The following TTK variants were observed in gnomAD, a reference collection of about 807,000 sequenced individuals.
TTK encodes TTK protein kinase, also known as dual specificity protein kinase TTK.
TTK carries 59 observed loss-of-function variants against 117.3 expected under a neutral mutation model. The ratio of observed to expected loss-of-function variants is 0.50; its 90% CI spans 0.41 to 0.62. The LOEUF (loss-of-function observed/expected upper bound fraction) is 0.62, where lower values mean the gene tolerates loss of function less well. TTK is among the 20% of genes least tolerant of loss of function. The pLI is 0.00. For missense variants in TTK, 921 were observed against 989.4 expected (o/e 0.93, Z 0.93); for synonymous variants, 302 against 325.0 (o/e 0.93, Z 0.76).
chr6:80,042,295 C>A lies in TTK; in HGVS notation c.*93C>A. On this transcript the variant is annotated 3_prime_UTR_variant, in exon 22 of 22. Coordinates refer to ENST00000369798, the MANE Select transcript of TTK (RefSeq NM_003318.5). ...TGTGGAAATCTACATTTGAAGACAA[C>A]ATCACTCTGAAGTGTTATCAGCAAA... 1 of 1,033,758 alleles carries A rather than the reference C, an allele frequency of 9.7e-7. No homozygotes were observed. The highest frequency in any genetic ancestry group is 1.4e-6 in the Non-Finnish European group (1 of 724,854). 64.0% of individuals were successfully genotyped at this position (1,033,758 alleles called of 1,614,324 possible).
At chr6:80,038,486 C>T (rs1289803871) in intron 18 of TTK, among the ~76,000 whole-genome samples, 2 of 152,104 alleles carry the variant, frequency 1.3e-5, no homozygotes, top group Non-Finnish European at 2.9e-5. Flanking sequence ...AGATCTGCCT[C>T]TTCATTAACA....
intron 2 of TTK, 108 bp downstream of exon 2, chr6:80,006,090 T>C (rs1766987319): frequency 2.1e-6 from 3 of 1,423,886 alleles, no homozygotes; most frequent in East Asian, 2.3e-5. Flanking sequence ...GTTTATTGTC[T>C]TTCTCCTCCA....
At position 80,008,181 on chromosome 6, in the gene TTK, T is replaced by A; in HGVS notation, c.362+150T>A. 3 of 1,070,822 alleles carry A rather than the reference T, an allele frequency of 2.8e-6. No homozygotes were observed. The South Asian group carries it at 5.2e-5, about 19-fold the overall frequency. The allele number at this position is 1,070,822 out of a possible 1,614,324, so 66.3% of individuals were successfully genotyped here. ...GCTTATAGTTAACAAGAGACTAATGTAAACTCTTTTCTATGCACGTTTCCA... is the reference window on the plus strand; with the variant it reads ...GCTTATAGTTAACAAGAGACTAATGAAAACTCTTTTCTATGCACGTTTCCA... On this transcript the variant is annotated intron_variant, in intron 3 of 21. Transcript: ENST00000369798.
intron 16 of TTK, 81 bp from the exon 17 acceptor site, chr6:80,036,394 G>A: frequency 4.7e-6 from 7 of 1,477,326 alleles, no homozygotes; most frequent in Non-Finnish European, 6.3e-6. Flanking sequence ...AATAAATACA[G>A]CTTGACCTGT....
Position 80,026,385 on chromosome 6 carries a change from A to T in TTK, c.1265A>T (p.His422Leu). Residue 422 changes from histidine (H) to leucine (L), a missense_variant, in exon 12 of 22, where the codon CAT (histidine) becomes CTT (leucine). By Grantham distance (99) the His-to-Leu change is moderately conservative. Transcript: ENST00000369798. ...LARKVNTEQKHTTFEQPVFSV... is the reference protein window; with the variant it reads ...LARKVNTEQKLTTFEQPVFSV... The stretch of plus-strand genomic sequence containing the variant: ...TTCTTTATTTTGTTTTAGCAGAAAC[A>T]TACCACTTTTGAGCAACCTGTCTTT... The T allele has an allele frequency of 6.2e-7, 1 of 1,612,804 alleles. No individual in the cohort carries two copies. The highest frequency in any genetic ancestry group is 1.7e-4 in the Middle Eastern group (1 of 6,030).
At chr6:80,034,301 C>T (rs1319942477) in intron 14 of TTK, among the ~76,000 whole-genome samples, 1 of 152,080 alleles carries the variant, frequency 6.6e-6, no homozygotes, top group Non-Finnish European at 1.5e-5. Flanking sequence ...ACTAACAAAT[C>T]ACAACTCTGA....
chr6:80,008,109 C>CTACACTGCAAAGAGAGAAA, intron 3 of TTK, 78 bp downstream of exon 3: 1 of 1,458,396 alleles, frequency 6.9e-7, no homozygotes, highest in Non-Finnish European at 9.2e-7. Context: ...AAATAAAAAA[C>CTACACTGCAAAGAGAGAAA]ATGGCAGTAT....
intron 9 of TTK, 92 bp from the exon 10 acceptor site, chr6:80,014,371 A>C: frequency 8.5e-7 from 1 of 1,180,666 alleles, no homozygotes; most frequent in East Asian, 2.7e-5. Context: ...TGAGCAATCC[A>C]TGTATAGATA....
chr6:80,015,181 G>T (rs1320356030), intron 10 of TTK, among the ~76,000 whole-genome samples: 1 of 92,614 alleles, frequency 1.1e-5, no homozygotes, highest in East Asian at 3.9e-4. Context: ...AACAAATTAG[G>T]ATTTAAATGG....
intron 11 of TTK, among the ~76,000 whole-genome samples, chr6:80,025,062 T>A (rs1214483055): frequency 6.6e-6 from 1 of 152,214 alleles, no homozygotes; most frequent in Non-Finnish European, 1.5e-5. Context: ...GGCCTTCATT[T>A]TTCTAACTTC....
rs749132511 is a variant in TTK at position 80,039,867 on chromosome 6, T to C, written c.2302T>C (p.Leu768=). The change falls in exon 19 of 22, where the codon TTA becomes CTA. Residue 768 remains leucine (L), a synonymous_variant. Transcript: ENST00000369798. ...DIPEKDLQDV[L]KCCLKRDPKQ... is the part of the protein sequence containing the mutation. ...TCCAGAGAAAGATCTTCAAGATGTG[T>C]TAAAGGTAATATTAATTTCATGTAA... 2 of 1,552,346 alleles carry C rather than the reference T, an allele frequency of 1.3e-6. No homozygotes were observed. The highest frequency in any genetic ancestry group is 4.7e-5 in the East Asian group (2 of 42,968).
intron 10 of TTK, among the ~76,000 whole-genome samples, chr6:80,020,994 G>T (rs185960851): frequency 3.3e-5 from 5 of 152,332 alleles, no homozygotes; most frequent in African/African-American, 1.2e-4. Flanking sequence ...AGAGTGACCT[G>T]CATTGGGTCC....
At chr6:80,038,701 GT>G (rs1275606838) in intron 18 of TTK, among the ~76,000 whole-genome samples, 64 of 152,092 alleles carry the variant, frequency 4.2e-4, no homozygotes, top group African/African-American at 1.4e-3. Context: ...TGGCTTGTAA[GT>G]GTTTTTCAAA....
chr6:80,019,944 C>T (rs1460971167), intron 10 of TTK, among the ~76,000 whole-genome samples: 3 of 152,058 alleles, frequency 2.0e-5, no homozygotes, highest in African/African-American at 7.2e-5. Context: ...CTTTTATTTA[C>T]CAAAGATTCA....
At chr6:80,022,166 A>G (rs1767477793) in intron 10 of TTK, among the ~76,000 whole-genome samples, 158 bp from the exon 11 acceptor site, 1 of 152,240 alleles carries the variant, frequency 6.6e-6, no homozygotes, top group Non-Finnish European at 1.5e-5. Context: ...CTAAAAGCAA[A>G]TTGTTAAGCA....
At chr6:80,018,398 C>T (rs918403621) in intron 10 of TTK, among the ~76,000 whole-genome samples, 2 of 151,526 alleles carry the variant, frequency 1.3e-5, no homozygotes, top group African/African-American at 4.8e-5. Context: ...GGCAGATTGC[C>T]TGAGGTCAGG....
In TTK at chr6:80,042,417, C is replaced by T. The variant is rs112068592; in HGVS notation, c.*215C>T. ...AGACTTGTTTTCTCTGTTTTATGCT[C>T]TTGTGTAATCTACTTGACATCATTT... On this transcript the variant is annotated 3_prime_UTR_variant, in exon 22 of 22. Transcript: ENST00000369798. The T allele has an allele frequency of 4.5e-5, 14 of 309,230 alleles. No individual in the cohort carries two copies. Among genetic ancestry groups the T allele is most frequent in the African/African-American group, 3.0e-4 (14 of 46,782 alleles). The allele number at this position is 309,230 out of a possible 1,614,324, so 19.2% of individuals were successfully genotyped here.
At chr6:80,017,189 A>T (rs902222589) in intron 10 of TTK, among the ~76,000 whole-genome samples, 8 of 152,350 alleles carry the variant, frequency 5.3e-5, no homozygotes, top group Non-Finnish European at 1.0e-4. Flanking sequence ...TATTGAAAAG[A>T]TCCTCCTTTA....
At chr6:80,025,730 G>T (rs1767587536) in intron 11 of TTK, among the ~76,000 whole-genome samples, 1 of 152,122 alleles carries the variant, frequency 6.6e-6, no homozygotes, top group South Asian at 2.1e-4. Context: ...ATAAAACTTT[G>T]TTTACAAAAA....
Sources: gnomAD v4.1 joint callset for allele counts (sites outside exome capture counted in the v4.1 genomes callset) on GRCh38, gnomAD v4.1.1 for gene constraint, MANE v1.5 for transcripts, NCBI Gene and HGNC (gene_info 2026-07-23, HGNC 2026-07-21) for gene names.